ZNF519: variants seen among roughly 807,000 people sequenced by gnomAD.
ZNF519 encodes the protein zinc finger protein 519.
Under a neutral mutation model 7.4 loss-of-function variants are expected in ZNF519, and 7 were observed. The observed-to-expected ratio is 0.94, with a 90% confidence interval of 0.54 to 1.77. ZNF519 has a LOEUF of 1.77. Ranked by LOEUF, ZNF519 falls within the 40% of genes most tolerant of loss-of-function variation. The pLI is 0.00. For synonymous variants in ZNF519, 179 were observed against 203.3 expected (o/e 0.88, Z 1.02); for missense variants, 586 against 623.1 (o/e 0.94, Z 0.63).
chr18:14,105,416 G>A lies in ZNF519; in HGVS notation c.1124C>T (p.Pro375Leu). Residue 375 changes from proline to leucine, a missense_variant, in exon 3 of 3, where the codon CCT becomes CTT. Coordinates refer to ENST00000590202, the MANE Select transcript of ZNF519 (RefSeq NM_145287.4). ...QHQRIHTGEK[P>L]FRCKECGKAF... The stretch of plus-strand genomic sequence containing the variant: ...TTTGCCACATTCCTTACATCTGAAA[G>A]GTTTCTCTCCGGTATGGATTCTCTG... 1 of 1,613,644 alleles carries A rather than the reference G, an allele frequency of 6.2e-7. No individual in the cohort carries two copies. The highest frequency in any genetic ancestry group is 8.5e-7 in the Non-Finnish European group (1 of 1,179,950).
intron 2 of ZNF519, among the ~76,000 whole-genome samples, chr18:14,107,578 T>C (rs1295980005): frequency 6.6e-6 from 1 of 152,132 alleles, no homozygotes; most frequent in Non-Finnish European, 1.5e-5. Flanking sequence ...TCTTGCCAAC[T>C]TAGGTCCCAG....
chr18:14,071,424 A>G (rs2046027862), downstream of ZNF519: 1 of 152,180 alleles, frequency 6.6e-6, no homozygotes, highest in African/African-American at 2.4e-5. Context: ...ATGAAAAGAC[A>G]AGAAATTTAA....
At chr18:14,082,736 G>A (rs2046075280) in intron 3 of ZNF519, 1 of 149,462 alleles carries the variant, frequency 6.7e-6, no homozygotes. Flanking sequence ...ACGATAATTA[G>A]CTCACTGAAG....
rs551396321 is a variant in ZNF519, at chr18:14,115,953, C to T, written c.130+8397G>A. ...CAACCTGTTAGGACACAAAGCAACT[C>T]TTATTCTTTTTAACTTTTAAGTTTG... On this transcript the variant is annotated intron_variant, in intron 2 of 2. Coordinates refer to ENST00000590202, the MANE Select transcript of ZNF519 (RefSeq NM_145287.4). Among the ~76,000 whole-genome samples, 8 of 152,154 alleles carry T rather than the reference C, an allele frequency of 5.3e-5. No homozygotes were observed. In the South Asian group the frequency reaches 1.7e-3, roughly 32 times the overall value.
chr18:14,088,327 AC>A (rs1429478849), intron 2 of ZNF519, among the ~76,000 whole-genome samples: 1 of 152,194 alleles, frequency 6.6e-6, no homozygotes, highest in African/African-American at 2.4e-5. Context: ...TGACTGCGAA[AC>A]CCAAGCAGTC....
In ZNF519 at chr18:14,100,882, G is replaced by C. The variant is rs1314062767; in HGVS notation, c.*4035C>G. 1.3e-5 allele frequency: 2 copies of C among 152,080 alleles called. No homozygotes were observed. The highest frequency in any genetic ancestry group is 4.8e-5 in the African/African-American group (2 of 41,384). 9.4% of individuals were successfully genotyped at this position (152,080 alleles called of 1,614,324 possible). ...TTTTATAATCTTATATCTTACTATA[G>C]TTTTCTAGAGTTTTAAATAGTTTTA... On this transcript the variant is annotated 3_prime_UTR_variant, in exon 3 of 3. Transcript: ENST00000590202.
intron 2 of ZNF519, among the ~76,000 whole-genome samples, chr18:14,091,453 G>A (rs756799888): frequency 1.3e-5 from 2 of 152,086 alleles, no homozygotes; most frequent in African/African-American, 4.8e-5. Flanking sequence ...ATTATTATGC[G>A]GTGAAGACAA....
chr18:14,106,492 A>T (rs1181634262), intron 2 of ZNF519, 83 bp from the exon 3 acceptor site: 3 of 1,279,948 alleles, frequency 2.3e-6, no homozygotes, highest in East Asian at 5.0e-5. Flanking sequence ...AAATTTTGCC[A>T]AGCTGAGAAC....
At chr18:14,120,633 T>C (rs928359275) in intron 2 of ZNF519, among the ~76,000 whole-genome samples, 1 of 152,158 alleles carries the variant, frequency 6.6e-6, no homozygotes, top group African/African-American at 2.4e-5. Flanking sequence ...GCAAGCCATG[T>C]ATAAGAAGTT....
rs114103147 is a variant in ZNF519 at position 14,078,726 on chromosome 18, G to A, written c.*178-428C>T. On this transcript the variant is annotated intron_variant and NMD_transcript_variant, in intron 3 of 4. Coordinates refer to the ZNF519 transcript ENST00000587419. ...TATATTATTATCAACTGGCCTTTAT[G>A]CCAAGAATGCAAGTAGATTCAGCAT... Among the ~76,000 whole-genome samples, 410 of 149,964 alleles carry A rather than the reference G, an allele frequency of 2.7e-3. 1 individual carries two copies. The highest frequency in any genetic ancestry group is 9.9e-3 in the African/African-American group (391 of 39,320).
chr18:14,132,167 G>C (rs2046333968), intron 1 of ZNF519, 108 bp downstream of exon 1: 1 of 1,337,334 alleles, frequency 7.5e-7, no homozygotes, highest in Non-Finnish European at 1.1e-6. Context: ...GGGGACTGAG[G>C]GCTGAGCTGC....
chr18:14,093,868 A>G (rs1404426529), intron 2 of ZNF519, among the ~76,000 whole-genome samples: 5 of 152,232 alleles, frequency 3.3e-5, no homozygotes, highest in African/African-American at 1.2e-4. Context: ...CAATCTGTTT[A>G]CACATCCAAT....
At chr18:14,082,522 G>A (rs2143082250) in intron 3 of ZNF519, 1 of 152,230 alleles carries the variant, frequency 6.6e-6, no homozygotes, top group South Asian at 2.1e-4. Flanking sequence ...TTGAGGCAGT[G>A]GCAGACATGA....
intron 2 of ZNF519, among the ~76,000 whole-genome samples, chr18:14,114,830 G>A (rs929853512): frequency 1.4e-4 from 22 of 152,072 alleles, no homozygotes; most frequent in African/African-American, 4.6e-4. Flanking sequence ...TTAAATACTT[G>A]AAGTAATGAA....
At chr18:14,112,600 A>AAT (rs2046226858) in intron 2 of ZNF519, among the ~76,000 whole-genome samples, 1 of 152,172 alleles carries the variant, frequency 6.6e-6, no homozygotes, top group Non-Finnish European at 1.5e-5. Context: ...GTCAAGATAT[A>AAT]GGATTAAAAA....
chr18:14,123,723 CATAA>C (rs1024055354), intron 2 of ZNF519, among the ~76,000 whole-genome samples: 3 of 151,592 alleles, frequency 2.0e-5, no homozygotes, highest in Non-Finnish European at 4.4e-5. Flanking sequence ...TTGCAAAATA[CATAA>C]ATAAATAAAT....
chr18:14,121,430 TATCAA>T (rs2046269357), intron 2 of ZNF519, among the ~76,000 whole-genome samples: 1 of 152,250 alleles, frequency 6.6e-6, no homozygotes, highest in Admixed American at 6.5e-5. Context: ...CGTATACACA[TATCAA>T]ATCATTACAT....
rs945373830 is a variant in ZNF519, at chr18:14,103,989, T to A, written c.*928A>T. On this transcript the variant is annotated 3_prime_UTR_variant, in exon 3 of 3. Transcript: ENST00000590202. ...CAGACTGCAAACATTCAAAAAGCAT[T>A]CTTATTCTGATACCATGACCTATGT... 1 of 152,170 alleles carries A rather than the reference T, an allele frequency of 6.6e-6. No individual in the cohort carries two copies. The highest frequency in any genetic ancestry group is 1.5e-5 in the Non-Finnish European group (1 of 67,996). The allele number at this position is 152,170 out of a possible 1,614,324, so 9.4% of individuals were successfully genotyped here.
In ZNF519 at chr18:14,104,839, AG is replaced by A. The variant is rs2046179584; in HGVS notation, c.*77del. ...CATTACACATATGGGATTTCTATCC[AG>A]TATTGATTTTCTAATGTTGAGTAAG... On this transcript the variant is annotated 3_prime_UTR_variant, in exon 3 of 3. Transcript: ENST00000590202. The A allele has an allele frequency of 7.3e-7, 1 of 1,368,894 alleles. No individual in the cohort carries two copies. Among genetic ancestry groups the A allele is most frequent in the Admixed American group, 2.4e-5 (1 of 41,084 alleles). The allele number at this position is 1,368,894 out of a possible 1,614,324, so 84.8% of individuals were successfully genotyped here. A position where few individuals can be genotyped will look rare whatever the true frequency, so the allele number is the denominator to read the frequency against.
Sources: allele counts gnomAD v4.1 joint callset (sites outside exome capture counted in the v4.1 genomes callset), GRCh38; gene constraint gnomAD v4.1.1; transcripts MANE v1.5; gene names NCBI Gene and HGNC (gene_info 2026-07-23, HGNC 2026-07-21).